Variants in GTF3C4 observed in about 807,000 individuals in gnomAD.
GTF3C4 encodes general transcription factor IIIC subunit 4.
A neutral mutation model predicts 67.5 loss-of-function variants in GTF3C4; 28 were observed. The observed-to-expected ratio is 0.41, with a 90% CI of 0.31 to 0.57. The LOEUF (loss-of-function observed/expected upper bound fraction) is 0.57, where lower values mean the gene tolerates loss of function less well. GTF3C4 is among the 20% of genes least tolerant of loss of function. The pLI, the probability that GTF3C4 is intolerant of heterozygous loss-of-function variation, is 0.21. For missense variants in GTF3C4, 831 were observed against 1,033.2 expected (o/e 0.80, Z 2.68); for synonymous variants, 409 against 393.0 (o/e 1.04, Z -0.48).
intron 2 of GTF3C4, among the ~76,000 whole-genome samples, chr9:132,681,924 G>A (rs113770819): frequency 0.19 from 28,008 of 148,228 alleles, 3,276 homozygotes; most frequent in East Asian, 0.4. Context: ...GGAGTTCAAG[G>A]CCAGCCTGAG....
In GTF3C4 at chr9:132,688,429, G is replaced by A. The variant is rs74868440; in HGVS notation, c.2405-452G>A. 2.4e-3 allele frequency among the ~76,000 whole-genome samples: 373 copies of A among 152,334 alleles called. 1 individual carries two copies. Among genetic ancestry groups the A allele is most frequent in the African/African-American group, 8.8e-3 (364 of 41,582 alleles). On this transcript the variant is annotated intron_variant, in intron 4 of 4. Coordinates refer to ENST00000372146, the MANE Select transcript of GTF3C4 (RefSeq NM_012204.4). ...AGCTACTGGATCTAAGAAGAGCACTGGAGTAGAGTTTTTCATAGATGAAAG... is the reference window on the plus strand; with the variant it reads ...AGCTACTGGATCTAAGAAGAGCACTAGAGTAGAGTTTTTCATAGATGAAAG...
chr9:132,670,552 C>A lies in GTF3C4; in HGVS notation c.-47C>A. On this transcript the variant is annotated 5_prime_UTR_variant, in exon 1 of 5. Coordinates refer to ENST00000372146, the MANE Select transcript of GTF3C4 (RefSeq NM_012204.4). ...GGCGGCGGTCCGGGAGGTGGTCGCG[C>A]GACTGCGTGGAGCGCCAGGGCGTCC... is the stretch of plus-strand genomic sequence containing the variant. The A allele has an allele frequency of 7.5e-7, 1 of 1,329,570 alleles. No individual in the cohort carries two copies. Among genetic ancestry groups the A allele is most frequent in the Non-Finnish European group, 9.8e-7 (1 of 1,017,578 alleles). 82.4% of individuals were successfully genotyped at this position (1,329,570 alleles called of 1,614,324 possible). A position where few individuals can be genotyped will look rare whatever the true frequency, so the allele number is the denominator to read the frequency against.
chr9:132,693,095 G>A lies in GTF3C4; in HGVS notation c.*4150G>A, dbSNP rs567486718. On this transcript the variant is annotated 3_prime_UTR_variant, in exon 5 of 5. Transcript: ENST00000372146. Reference sequence around the variant, plus strand: ...AAGAAGTGGGGTTTTTCAGAAGATTGTAAACTCATTTCCATGGCACAGATA... The same window carrying A: ...AAGAAGTGGGGTTTTTCAGAAGATTATAAACTCATTTCCATGGCACAGATA... The A allele has an allele frequency of 6.6e-6, 1 of 152,306 alleles. No homozygotes were observed. Among genetic ancestry groups the A allele is most frequent in the African/African-American group, 2.4e-5 (1 of 41,566 alleles). The allele number at this position is 152,306 out of a possible 1,614,324, so 9.4% of individuals were successfully genotyped here.
At position 132,694,068 on chromosome 9, in the gene GTF3C4, A is replaced by G. The variant is rs1446729884; in HGVS notation, c.*5123A>G. ...GTTTTGGAAAGGAGATGCTTTTTCAATTCTTACCATCTGATTAGGTGGAAT... is the reference window on the plus strand; with the variant it reads ...GTTTTGGAAAGGAGATGCTTTTTCAGTTCTTACCATCTGATTAGGTGGAAT... On this transcript the variant is annotated 3_prime_UTR_variant, in exon 5 of 5. Transcript: ENST00000372146. 2 of 152,046 alleles carry G rather than the reference A, an allele frequency of 1.3e-5. No individual in the cohort carries two copies. The highest frequency in any genetic ancestry group is 1.9e-4 in the East Asian group (1 of 5,194). 9.4% of individuals were successfully genotyped at this position (152,046 alleles called of 1,614,324 possible). A position where few individuals can be genotyped will look rare whatever the true frequency, so the allele number is the denominator to read the frequency against.
In GTF3C4 at chr9:132,679,313, T is replaced by C. The variant is rs1270994884; in HGVS notation, c.1694T>C (p.Ile565Thr). ...QFLQEALEKK[I>T]ESSGVTYFWR... ...TTACAAGAAGCTTTGGAAAAAAAGA[T>C]TGAAAGCAGTGGAGTCACCTATTTT... Residue 565 changes from isoleucine to threonine, a missense_variant, in exon 2 of 5, where the codon ATT becomes ACT. By Grantham distance (89) the Ile-to-Thr change is moderately conservative. This residue lies in a region of GTF3C4 where 390 missense variants were observed against 540.3 expected (regional missense o/e 0.72). Transcript: ENST00000372146. The surrounding 1 kb of genome is among the most constrained non-coding windows in gnomAD (Gnocchi z 5.9). The C allele has an allele frequency of 1.2e-6, 2 of 1,614,136 alleles. No homozygotes were observed. Among genetic ancestry groups the C allele is most frequent in the Non-Finnish European group, 1.7e-6 (2 of 1,180,026 alleles).
At chr9:132,673,700 C>T (rs1436323934) in intron 1 of GTF3C4, among the ~76,000 whole-genome samples, 1 of 152,176 alleles carries the variant, frequency 6.6e-6, no homozygotes, top group Non-Finnish European at 1.5e-5. Context: ...TTTAGTGTAG[C>T]ACTGTTAGAA....
chr9:132,692,889 T>C lies in GTF3C4; in HGVS notation c.*3944T>C, dbSNP rs765902538. On this transcript the variant is annotated 3_prime_UTR_variant, in exon 5 of 5. Coordinates refer to ENST00000372146, the MANE Select transcript of GTF3C4 (RefSeq NM_012204.4). Reference sequence around the variant, plus strand: ...TAGTTATACTTAGAACTGCTCTTTCTTGAAGCTAAAAGAGGTTTTTGGAGT... The same window carrying C: ...TAGTTATACTTAGAACTGCTCTTTCCTGAAGCTAAAAGAGGTTTTTGGAGT... 28 of 152,234 alleles carry C rather than the reference T, an allele frequency of 1.8e-4. No homozygotes were observed. The highest frequency in any genetic ancestry group is 3.7e-4 in the Non-Finnish European group (25 of 68,044). The allele number at this position is 152,234 out of a possible 1,614,324, so 9.4% of individuals were successfully genotyped here.
At chr9:132,685,504 G>T (rs1182478690) in intron 3 of GTF3C4, among the ~76,000 whole-genome samples, 2 of 150,112 alleles carry the variant, frequency 1.3e-5, no homozygotes, top group East Asian at 3.9e-4. Context: ...AATTTGTATT[G>T]CATTCCTACA....
At chr9:132,684,085 C>T (rs1835988581) in intron 3 of GTF3C4, among the ~76,000 whole-genome samples, 3 of 152,268 alleles carry the variant, frequency 2.0e-5, no homozygotes, top group East Asian at 1.9e-4. Context: ...GGACACAGCA[C>T]TCCCTGGTTT....
intron 1 of GTF3C4, among the ~76,000 whole-genome samples, chr9:132,676,453 G>A (rs754507159): frequency 6.6e-6 from 1 of 151,604 alleles, no homozygotes; most frequent in Non-Finnish European, 1.5e-5. Flanking sequence ...CAAGTAGCTG[G>A]GGTTATGGGT....
chr9:132,680,331 G>A (rs1263034398), intron 2 of GTF3C4, among the ~76,000 whole-genome samples: 1 of 152,186 alleles, frequency 6.6e-6, no homozygotes, highest in East Asian at 1.9e-4. Flanking sequence ...AACTTACCTA[G>A]AATGTATTCT....
At chr9:132,685,930 G>T (rs1169021907) in intron 3 of GTF3C4, among the ~76,000 whole-genome samples, 1 of 152,214 alleles carries the variant, frequency 6.6e-6, no homozygotes, top group East Asian at 1.9e-4. Context: ...GTACATTGGG[G>T]AAAACCCTGA....
At chr9:132,683,494 GT>G in intron 2 of GTF3C4, 68 bp from the exon 3 acceptor site, 2 of 1,364,020 alleles carry the variant, frequency 1.5e-6, no homozygotes, top group Non-Finnish European at 2.0e-6. Flanking sequence ...TTCCCTTTGT[GT>G]TTGTAGGCTT....
Position 132,691,537 on chromosome 9 carries a change from T to A in GTF3C4, c.*2592T>A, listed in dbSNP as rs1836115605. The A allele has an allele frequency of 1.3e-5, 2 of 152,242 alleles. No individual in the cohort carries two copies. Among genetic ancestry groups the A allele is most frequent in the South Asian group, 2.1e-4 (1 of 4,832 alleles). The allele number at this position is 152,242 out of a possible 1,614,324, so 9.4% of individuals were successfully genotyped here. On this transcript the variant is annotated 3_prime_UTR_variant, in exon 5 of 5. Coordinates refer to ENST00000372146, the MANE Select transcript of GTF3C4 (RefSeq NM_012204.4). ...AAAGATTCGATACAATTAGACCCTT[T>A]AAGCTACAACGTGGTTGCATTTGGG...
chr9:132,694,405 A>C lies in GTF3C4; in HGVS notation c.*5460A>C, dbSNP rs1836165417. The C allele has an allele frequency of 6.6e-6, 1 of 152,232 alleles. No individual in the cohort carries two copies. Among genetic ancestry groups the C allele is most frequent in the Non-Finnish European group, 1.5e-5 (1 of 68,046 alleles). 9.4% of individuals were successfully genotyped at this position (152,232 alleles called of 1,614,324 possible). A position where few individuals can be genotyped will look rare whatever the true frequency, so the allele number is the denominator to read the frequency against. Reference sequence around the variant, plus strand: ...AACACTACAAAGCTACTCCTGCCAGAAGAGGGCAGAGTTCTTTCTTGGGTT... The same window carrying C: ...AACACTACAAAGCTACTCCTGCCAGCAGAGGGCAGAGTTCTTTCTTGGGTT... On this transcript the variant is annotated 3_prime_UTR_variant, in exon 5 of 5. Coordinates refer to ENST00000372146, the MANE Select transcript of GTF3C4 (RefSeq NM_012204.4).
intron 4 of GTF3C4, among the ~76,000 whole-genome samples, chr9:132,688,087 G>A (rs573265337): frequency 1.8e-3 from 267 of 152,298 alleles, no homozygotes; most frequent in Middle Eastern, 6.8e-3. Flanking sequence ...TTGATACCTT[G>A]TGTTCTGTTG....
At chr9:132,674,562 T>C (rs1835837041) in intron 1 of GTF3C4, among the ~76,000 whole-genome samples, 1 of 152,238 alleles carries the variant, frequency 6.6e-6, no homozygotes, top group Non-Finnish European at 1.5e-5. Context: ...CCTGTGAGTT[T>C]ACTTCTACAG....
In GTF3C4 at chr9:132,678,950, A is replaced by G; in HGVS notation, c.1331A>G (p.Asp444Gly). ...GGAACAGTCTATACTTGCTCCAGTG[A>G]CGGAAAGGTGAGGCAGCTGATTCCC... The part of the protein sequence containing the change: ...QNGTVYTCSS[D>G]GKVRQLIPIF... Residue 444 changes from aspartate to glycine, a missense_variant, in exon 2 of 5, where the codon GAC becomes GGC. Asp to Gly is a moderately conservative substitution (Grantham distance 94, BLOSUM62 -1). Around this residue, in one of 4 missense-constraint regions of GTF3C4, gnomAD observed 390 missense variants for 540.3 expected, o/e 0.72. Transcript: ENST00000372146. The surrounding 1 kb of genome is among the most constrained non-coding windows in gnomAD (Gnocchi z 6.5). 6.2e-7 allele frequency: 1 copy of G among 1,614,220 alleles called. No individual in the cohort carries two copies. Among genetic ancestry groups the G allele is most frequent in the Non-Finnish European group, 8.5e-7 (1 of 1,180,032 alleles).
intron 1 of GTF3C4, among the ~76,000 whole-genome samples, chr9:132,675,895 C>CTTTTTTTTTTT (rs72145516): frequency 1.3e-4 from 12 of 89,034 alleles, no homozygotes; most frequent in Non-Finnish European, 1.8e-4. Context: ...TCCAGTTACC[C>CTTTTTTTTTTT]TTTTTTTTTT....
Sources: gnomAD v4.1 joint callset for allele counts (sites outside exome capture counted in the v4.1 genomes callset) on GRCh38, gnomAD v4.1.1 for gene constraint, gnomAD v4.1.1 regional missense constraint, Gnocchi (gnomAD v3.1) non-coding constraint, MANE v1.5 for transcripts, NCBI Gene and HGNC (gene_info 2026-07-23, HGNC 2026-07-21) for gene names.